CNOT4: variants seen among roughly 807,000 people sequenced by gnomAD.
CNOT4 encodes CCR4-NOT transcription complex subunit 4.
A neutral mutation model predicts 73.8 loss-of-function variants in CNOT4; 8 were observed. The ratio of observed to expected loss-of-function variants is 0.11; its 90% CI spans 0.06 to 0.20. The LOEUF (loss-of-function observed/expected upper bound fraction) is 0.20, where lower values mean the gene tolerates loss of function less well. CNOT4 is among the 10% of genes least tolerant of loss of function. The pLI, the probability that CNOT4 is intolerant of heterozygous loss-of-function variation, is 1.00. For synonymous variants in CNOT4, 293 were observed against 321.1 expected, an observed-to-expected ratio of 0.91 and a Z score of 0.94; for missense variants, 564 against 883.4, an observed-to-expected ratio of 0.64 and a Z score of 4.58.
chr7:135,404,615 G>T (rs1438199155), intron 7 of CNOT4, among the ~76,000 whole-genome samples: 1 of 152,032 alleles, frequency 6.6e-6, no homozygotes, highest in South Asian at 2.1e-4. Flanking sequence ...TATGAGAATG[G>T]AATTCATGCA....
chr7:135,409,896 A>C (rs113309457), intron 7 of CNOT4, among the ~76,000 whole-genome samples: 5,352 of 152,226 alleles, frequency 0.035, 323 homozygotes, highest in African/African-American at 0.12. Flanking sequence ...AAGAAGATCA[A>C]CATATCAGAA....
intron 1 of CNOT4, among the ~76,000 whole-genome samples, chr7:135,489,397 T>C (rs990340385): frequency 2.1e-5 from 3 of 141,546 alleles, no homozygotes; most frequent in East Asian, 2.3e-4. Flanking sequence ...ATTTCTTTTT[T>C]TTTTTTTTTT....
chr7:135,439,578 T>C (rs1799352231), intron 1 of CNOT4, among the ~76,000 whole-genome samples: 1 of 151,476 alleles, frequency 6.6e-6, no homozygotes, highest in Non-Finnish European at 1.5e-5. Context: ...CAGCCAGGAG[T>C]TCAAGACCAG....
intron 1 of CNOT4, among the ~76,000 whole-genome samples, chr7:135,469,496 A>T (rs1801439296): frequency 6.6e-6 from 1 of 152,156 alleles, no homozygotes; most frequent in Admixed American, 6.5e-5. Context: ...CAATCTACAA[A>T]AAGCAGTCAG....
chr7:135,476,257 A>C (rs972523579), intron 1 of CNOT4, among the ~76,000 whole-genome samples: 1 of 152,304 alleles, frequency 6.6e-6, no homozygotes, highest in East Asian at 1.9e-4. Flanking sequence ...TGAGAAAGGA[A>C]GAGGACACCT....
rs1232779168 is a variant in CNOT4, at chr7:135,362,466, G to C, written c.*419C>G. The C allele has an allele frequency of 6.5e-6, 2 of 308,862 alleles. No individual in the cohort carries two copies. Among genetic ancestry groups the C allele is most frequent in the African/African-American group, 4.4e-5 (2 of 45,972 alleles). 19.1% of individuals were successfully genotyped at this position (308,862 alleles called of 1,614,324 possible). A position where few individuals can be genotyped will look rare whatever the true frequency, so the allele number is the denominator to read the frequency against. On this transcript the variant is annotated 3_prime_UTR_variant, in exon 12 of 12. Coordinates refer to ENST00000541284, the MANE Select transcript of CNOT4 (RefSeq NM_001190850.2). ...TCCCCCATGCATTTAGCAATCTCACGTAAATGAACCTGGTTTTCAAACTTC... is the reference window on the plus strand; with the variant it reads ...TCCCCCATGCATTTAGCAATCTCACCTAAATGAACCTGGTTTTCAAACTTC...
intron 7 of CNOT4, among the ~76,000 whole-genome samples, chr7:135,405,825 C>G (rs1158845986): frequency 6.6e-6 from 1 of 152,022 alleles, no homozygotes; most frequent in East Asian, 1.9e-4. Flanking sequence ...TGTACTCTGG[C>G]TTAATTGAAA....
At chr7:135,427,539 T>C (rs1357865517) in intron 2 of CNOT4, among the ~76,000 whole-genome samples, 1 of 152,220 alleles carries the variant, frequency 6.6e-6, no homozygotes, top group Non-Finnish European at 1.5e-5. Flanking sequence ...AGAAATCATG[T>C]TCCAAGTATT....
Position 135,445,945 on chromosome 7 carries a change from T to C in CNOT4, c.-92-7522A>G, listed in dbSNP as rs570871997. ...TACAGTGCAGTGAGTGGTGGGATCA[T>C]AGCTCACTGCAGCCTCAAAATGCTG... is the stretch of plus-strand genomic sequence containing the variant. On this transcript the variant is annotated intron_variant, in intron 1 of 11. Coordinates refer to ENST00000541284, the MANE Select transcript of CNOT4 (RefSeq NM_001190850.2). 1.3e-4 allele frequency among the ~76,000 whole-genome samples: 20 copies of C among 152,286 alleles called. No homozygotes were observed. In the South Asian group the frequency reaches 3.9e-3, roughly 30 times the overall value.
At chr7:135,399,906 G>C (rs1796911614) in intron 7 of CNOT4, among the ~76,000 whole-genome samples, 1 of 152,070 alleles carries the variant, frequency 6.6e-6, no homozygotes, top group Non-Finnish European at 1.5e-5. Context: ...TTGGGGGAAA[G>C]AAGATAAGTG....
intron 1 of CNOT4, among the ~76,000 whole-genome samples, chr7:135,451,581 C>T (rs750070280): frequency 5.1e-4 from 77 of 152,256 alleles, no homozygotes; most frequent in South Asian, 1.7e-3. Context: ...GTATGAGCTA[C>T]CACACCCAGC....
chr7:135,362,533 A>G lies in CNOT4; in HGVS notation c.*352T>C, dbSNP rs558493800. On this transcript the variant is annotated 3_prime_UTR_variant, in exon 12 of 12. Transcript: ENST00000541284. ...TTTACTTGAGCTTTCCTATAGATTA[A>G]TCGTCATTTTCTGCTAAGCAGATTA... The G allele has an allele frequency of 2.6e-4, 102 of 390,944 alleles. No individual in the cohort carries two copies. The highest frequency in any genetic ancestry group is 2.2e-3 in the South Asian group (100 of 44,758). 24.2% of individuals were successfully genotyped at this position (390,944 alleles called of 1,614,324 possible).
In CNOT4 at chr7:135,413,432, T is replaced by TA. The variant is rs369097634; in HGVS notation, c.687+55dup. 2.6e-3 allele frequency: 3,492 copies of TA among 1,365,056 alleles called. 1 individual carries two copies. The highest frequency in any genetic ancestry group is 6.4e-3 in the East Asian group (246 of 38,160). 84.6% of individuals were successfully genotyped at this position (1,365,056 alleles called of 1,614,324 possible). On this transcript the variant is annotated intron_variant, in intron 6 of 11. Coordinates refer to ENST00000541284, the MANE Select transcript of CNOT4 (RefSeq NM_001190850.2). Reference sequence around the variant, plus strand: ...TTTTTGCTTTTGCAATGTTAACTAATAAAAAAAAAAGTACTCCCTTTTCTG... The same window carrying TA: ...TTTTTGCTTTTGCAATGTTAACTAATAAAAAAAAAAAGTACTCCCTTTTCTG...
At position 135,442,587 on chromosome 7, in the gene CNOT4, A is replaced by G. The variant is rs1023416626; in HGVS notation, c.-92-4164T>C. Among the ~76,000 whole-genome samples the G allele has an allele frequency of 3.8e-4, 58 of 152,348 alleles. 1 individual carries two copies. Among genetic ancestry groups the G allele is most frequent in the African/African-American group, 1.4e-3 (57 of 41,588 alleles). On this transcript the variant is annotated intron_variant, in intron 1 of 11. Transcript: ENST00000541284. Reference sequence around the variant, plus strand: ...GCACTGCAGCCTGGGCAACAAGAGCAAAAACTTCGTTTCAAAAATAAATAA... The same window carrying G: ...GCACTGCAGCCTGGGCAACAAGAGCGAAAACTTCGTTTCAAAAATAAATAA...
chr7:135,462,652 G>A (rs1481303104), intron 1 of CNOT4, among the ~76,000 whole-genome samples: 1 of 152,148 alleles, frequency 6.6e-6, no homozygotes, highest in Non-Finnish European at 1.5e-5. Context: ...AGCACATTCT[G>A]TATTTCAATT....
At chr7:135,395,448 G>A (rs112836300) in intron 9 of CNOT4, among the ~76,000 whole-genome samples, 186 bp downstream of exon 9, 4 of 152,210 alleles carry the variant, frequency 2.6e-5, no homozygotes, top group African/African-American at 9.6e-5. Flanking sequence ...TTTTAACACA[G>A]TAATTTCTAG....
At chr7:135,388,698 G>A in intron 10 of CNOT4, 4 of 1,489,338 alleles carry the variant, frequency 2.7e-6, no homozygotes, top group Non-Finnish European at 3.6e-6. Flanking sequence ...TCTTCTGGGT[G>A]TATACATTAA....
At chr7:135,506,490 T>G (rs1251671489) in intron 1 of CNOT4, among the ~76,000 whole-genome samples, 4 of 152,164 alleles carry the variant, frequency 2.6e-5, no homozygotes, top group Non-Finnish European at 4.4e-5. Context: ...ACTTAAATGA[T>G]CTATAAAAAT....
intron 1 of CNOT4, among the ~76,000 whole-genome samples, chr7:135,495,504 C>CAAAAA (rs150007748): frequency 1.1e-4 from 6 of 54,682 alleles, no homozygotes; most frequent in African/African-American, 1.6e-4. Context: ...GACTCTGCCT[C>CAAAAA]AAAAAAAAAA....
Sources: gnomAD v4.1 joint callset for allele counts (sites outside exome capture counted in the v4.1 genomes callset) on GRCh38, gnomAD v4.1.1 for gene constraint, MANE v1.5 for transcripts, NCBI Gene and HGNC (gene_info 2026-07-23, HGNC 2026-07-21) for gene names.